GLI3: variants seen among roughly 807,000 people sequenced by gnomAD.
The protein encoded by GLI3 is transcription activator GLI3.
In GLI3, 20 loss-of-function variants were observed where a neutral mutation model predicts 100.8. The ratio of observed to expected loss-of-function variants is 0.20; its 90% CI spans 0.14 to 0.29. GLI3 has a LOEUF of 0.29. GLI3 is among the 10% of genes least tolerant of loss of function. GLI3 has a pLI of 1.00. For missense variants in GLI3, 2,040 were observed against 2,128.5 expected (o/e 0.96, Z 0.82); for synonymous variants, 938 against 860.5 (o/e 1.09, Z -1.58).
intron 3 of GLI3, among the ~76,000 whole-genome samples, chr7:42,127,378 G>A (rs1288158310): frequency 6.6e-6 from 1 of 152,188 alleles, no homozygotes; most frequent in Non-Finnish European, 1.5e-5. Flanking sequence ...CATGTGAGGT[G>A]GGCAGCATGT....
At position 41,965,332 on chromosome 7, in the gene GLI3, C is replaced by T. The variant is rs769289785; in HGVS notation, c.3741G>A (p.Gln1247=). ...SGTSGNAFHE[Q]PCKAPQYGNC... ...TCCCATACTGCGGGGCCTTACAGGG[C>T]TGTTCATGGAAGGCGTTTCCACTGG... The change falls in exon 15 of 15, where the codon CAG becomes CAA. Residue 1247 remains glutamine (Q), a synonymous_variant. Coordinates refer to ENST00000395925, the MANE Select transcript of GLI3 (RefSeq NM_000168.6). 6.2e-7 allele frequency: 1 copy of T among 1,613,918 alleles called. No homozygotes were observed. The highest frequency in any genetic ancestry group is 8.5e-7 in the Non-Finnish European group (1 of 1,179,892).
Position 42,025,248 on chromosome 7 carries a change from G to T in GLI3, c.1356+16C>A, listed in dbSNP as rs766899065. The stretch of plus-strand genomic sequence containing the variant: ...GGGAGGAGTGGGCGCTGGCCTGTGC[G>T]GCCTCGGTGTCCTACCTGCTGCCCC... On this transcript the variant is annotated intron_variant, in intron 9 of 14. Transcript: ENST00000395925. 1.9e-6 allele frequency: 3 copies of T among 1,554,388 alleles called. No individual in the cohort carries two copies. In the South Asian group the frequency reaches 3.3e-5, roughly 17 times the overall value.
chr7:42,082,934 C>T (rs1785027475), intron 3 of GLI3, among the ~76,000 whole-genome samples: 1 of 151,968 alleles, frequency 6.6e-6, no homozygotes, highest in South Asian at 2.1e-4. Flanking sequence ...AGTAGATGTA[C>T]ATATTTATGG....
At chr7:41,982,230 T>A (rs1787690883) in intron 10 of GLI3, among the ~76,000 whole-genome samples, 1 of 152,230 alleles carries the variant, frequency 6.6e-6, no homozygotes, top group Non-Finnish European at 1.5e-5. Flanking sequence ...TCTTCTTTAC[T>A]GCTTAAATGC....
intron 1 of GLI3, among the ~76,000 whole-genome samples, chr7:42,232,228 A>G (rs1788708509): frequency 6.6e-6 from 1 of 152,168 alleles, no homozygotes; most frequent in Non-Finnish European, 1.5e-5. Context: ...AGTGCATGCC[A>G]CAACAAAACC....
chr7:42,210,479 A>C (rs1166558865), intron 2 of GLI3, among the ~76,000 whole-genome samples: 1 of 150,760 alleles, frequency 6.6e-6, no homozygotes, highest in Non-Finnish European at 1.5e-5. Flanking sequence ...CCCACCACCA[A>C]CCTCCCTGCC....
At chr7:42,129,601 G>T (rs1190180034) in intron 3 of GLI3, among the ~76,000 whole-genome samples, 1 of 152,128 alleles carries the variant, frequency 6.6e-6, no homozygotes, top group Non-Finnish European at 1.5e-5. Flanking sequence ...ACGAGGTCAG[G>T]AGTACAAGAC....
chr7:42,093,303 C>T (rs895996550), intron 3 of GLI3, among the ~76,000 whole-genome samples: 5 of 148,808 alleles, frequency 3.4e-5, no homozygotes, highest in East Asian at 2.1e-4. Flanking sequence ...CACTTGAACC[C>T]GGGAGGCGGC....
rs1562797087 is a variant in GLI3 at position 42,237,136 on chromosome 7, C to CCGCGGGGCG, written c.-217_-209dup. 6.7e-6 allele frequency: 1 copy of CCGCGGGGCG among 148,292 alleles called. No individual in the cohort carries two copies. The highest frequency in any genetic ancestry group is 2.4e-5 in the African/African-American group (1 of 40,962). 9.2% of individuals were successfully genotyped at this position (148,292 alleles called of 1,614,324 possible). On this transcript the variant is annotated 5_prime_UTR_variant, in exon 1 of 15. Coordinates refer to ENST00000395925, the MANE Select transcript of GLI3 (RefSeq NM_000168.6). ...CGCGGGCATGGTGCGGCGCGGGCGGCCGCGGGGCGCGCGGGGAAGGCGGGA... is the reference window on the plus strand; with the variant it reads ...CGCGGGCATGGTGCGGCGCGGGCGGCCGCGGGGCGCGCGGGGCGCGCGGGGAAGGCGGGA...
At chr7:41,979,062 G>A (rs961326378) in intron 10 of GLI3, among the ~76,000 whole-genome samples, 1 of 152,212 alleles carries the variant, frequency 6.6e-6, no homozygotes, top group African/African-American at 2.4e-5. Context: ...GGACCAGCTA[G>A]TTATGAAATG....
chr7:42,223,324 T>A (rs547513486), intron 1 of GLI3, 29 bp from the exon 2 acceptor site: 35 of 1,274,036 alleles, frequency 2.7e-5, no homozygotes, highest in Non-Finnish European at 3.7e-5. Flanking sequence ...CCATCAACTT[T>A]CCAAAATGGT....
At position 42,213,082 on chromosome 7, in the gene GLI3, G is replaced by A. The variant is rs151320393; in HGVS notation, c.124+10048C>T. Among the ~76,000 whole-genome samples the A allele has an allele frequency of 7.3e-4, 111 of 152,260 alleles. 1 individual carries two copies. In the Middle Eastern group the frequency reaches 0.014, roughly 19 times the overall value. Reference sequence around the variant, plus strand: ...CTACCTGGGGCTGGCCCCAAATCCCGTCACCATGTGGGGAGGGAAAGAATC... The same window carrying A: ...CTACCTGGGGCTGGCCCCAAATCCCATCACCATGTGGGGAGGGAAAGAATC... On this transcript the variant is annotated intron_variant, in intron 2 of 14. Transcript: ENST00000395925.
At chr7:42,248,583 C>G (rs1319458413) in intron 1 of GLI3, among the ~76,000 whole-genome samples, 1 of 152,120 alleles carries the variant, frequency 6.6e-6, no homozygotes, top group Admixed American at 6.6e-5. Context: ...TCCATCTTTC[C>G]CCTCTGCTGA....
chr7:42,023,379 A>C, intron 10 of GLI3, 89 bp downstream of exon 10: 2 of 1,391,852 alleles, frequency 1.4e-6, no homozygotes, highest in Non-Finnish European at 2.0e-6. Flanking sequence ...CTCCTAAGAA[A>C]CTTGACTCAG....
Position 41,964,626 on chromosome 7 carries a change from C to T in GLI3, c.4447G>A (p.Gly1483Ser). ...ACTGTGCTTGTCACCTGATTAGCAC[C>T]TGGGGAAAGTAACTCAGAGTTTTTG... ...SAKNSELLSP[G>S]ANQVTSTVDS... Residue 1483 changes from glycine (G) to serine (S), a missense_variant, in exon 15 of 15, where the codon GGT (glycine) becomes AGT (serine). Coordinates refer to ENST00000395925, the MANE Select transcript of GLI3 (RefSeq NM_000168.6). 1 of 1,613,914 alleles carries T rather than the reference C, an allele frequency of 6.2e-7. No individual in the cohort carries two copies. Among genetic ancestry groups the T allele is most frequent in the Non-Finnish European group, 8.5e-7 (1 of 1,179,746 alleles).
intron 9 of GLI3, 103 bp downstream of exon 9, chr7:42,025,161 T>C: frequency 1.3e-6 from 1 of 763,796 alleles, no homozygotes; most frequent in South Asian, 1.4e-5. Context: ...GACAAGGAAC[T>C]GCCGTGAAAA....
At chr7:42,161,820 T>C (rs574176796) in intron 2 of GLI3, among the ~76,000 whole-genome samples, 1 of 152,334 alleles carries the variant, frequency 6.6e-6, no homozygotes, top group South Asian at 2.1e-4. Context: ...GGAAACTCCT[T>C]GCTAGAGGCA....
At chr7:42,204,508 T>C (rs1252265683) in intron 2 of GLI3, among the ~76,000 whole-genome samples, 12 of 152,232 alleles carry the variant, frequency 7.9e-5, no homozygotes, top group Admixed American at 7.2e-4. Flanking sequence ...AGTTTACTTA[T>C]CCAATTATAA....
At chr7:42,153,881 T>C (rs907547442) in intron 2 of GLI3, among the ~76,000 whole-genome samples, 11 of 152,044 alleles carry the variant, frequency 7.2e-5, no homozygotes, top group African/African-American at 2.7e-4. Context: ...AGCAACCCAA[T>C]GATGGCGGTA....
Sources: gnomAD v4.1 joint callset for allele counts (sites outside exome capture counted in the v4.1 genomes callset) on GRCh38, gnomAD v4.1.1 for gene constraint, MANE v1.5 for transcripts, NCBI Gene and HGNC (gene_info 2026-07-23, HGNC 2026-07-21) for gene names.